The following ATAD3B variants were observed in gnomAD, a reference collection of about 807,000 sequenced individuals.
ATAD3B encodes the protein ATPase family AAA domain-containing protein 3B.
A neutral mutation model predicts 70.2 loss-of-function variants in ATAD3B; 59 were observed. The ratio of observed to expected loss-of-function variants is 0.84; its 90% CI spans 0.68 to 1.04. The LOEUF (loss-of-function observed/expected upper bound fraction) is 1.04. Among genes scored for constraint, ATAD3B ranks in the 50% least tolerant of loss-of-function variants. The pLI, the probability that ATAD3B is intolerant of heterozygous loss-of-function variation, is 0.00. For missense variants in ATAD3B, 961 were observed against 913.4 expected, an observed-to-expected ratio of 1.05 and a Z score of -0.67; for synonymous variants, 423 against 388.6, an observed-to-expected ratio of 1.09 and a Z score of -1.04.
chr1:1,477,644 A>C (rs1167741358), intron 2 of ATAD3B, among the ~76,000 whole-genome samples: 2 of 151,502 alleles, frequency 1.3e-5, no homozygotes, highest in Non-Finnish European at 2.9e-5. Flanking sequence ...TCTTCTTCAC[A>C]TTCTCACCTC....
intron 11 of ATAD3B, 118 bp from the exon 12 acceptor site, chr1:1,487,745 G>A: frequency 7.7e-7 from 1 of 1,297,868 alleles, no homozygotes; most frequent in East Asian, 2.3e-5. Flanking sequence ...CTCCTGATGG[G>A]GCAGAGCCTG....
chr1:1,504,580 G>T, the ATAD3B span, among the ~76,000 whole-genome samples: 1 of 151,990 alleles, frequency 6.6e-6, no homozygotes, highest in Non-Finnish European at 1.5e-5. Context: ...AACCTGGGAG[G>T]CGGAGGTTGC....
At position 1,482,205 on chromosome 1, in the gene ATAD3B, G is replaced by C; in HGVS notation, c.582G>C (p.Arg194=). The C allele has an allele frequency of 6.2e-7, 1 of 1,611,194 alleles. No individual in the cohort carries two copies. The highest frequency in any genetic ancestry group is 8.5e-7 in the Non-Finnish European group (1 of 1,179,280). The change falls in exon 6 of 16, where the codon CGG becomes CGC. Residue 194 remains arginine, a synonymous_variant. Coordinates refer to ENST00000673477, the MANE Select transcript of ATAD3B (RefSeq NM_031921.6). ...NEMLRVETEA[R]ARAKAERENA... ...TGCTGCGAGTGGAGACCGAGGCCCG[G>C]GCGCGCGCCAAGGCCGAGCGGGAGA...
Position 1,496,025 on chromosome 1 carries a change from G to A in ATAD3B, c.*208G>A, listed in dbSNP as rs1479159091. 1 of 1,336,366 alleles carries A rather than the reference G, an allele frequency of 7.5e-7. No individual in the cohort carries two copies. Among genetic ancestry groups the A allele is most frequent in the Non-Finnish European group, 9.6e-7 (1 of 1,044,806 alleles). The allele number at this position is 1,336,366 out of a possible 1,614,324, so 82.8% of individuals were successfully genotyped here. Reference sequence around the variant, plus strand: ...TTCTCGGCTCCCACAGCAGAGCCAGGTGAGGGGGGGCCTGCCAGGACTAGA... The same window carrying A: ...TTCTCGGCTCCCACAGCAGAGCCAGATGAGGGGGGGCCTGCCAGGACTAGA... On this transcript the variant is annotated 3_prime_UTR_variant, in exon 16 of 16. Coordinates refer to ENST00000673477, the MANE Select transcript of ATAD3B (RefSeq NM_031921.6).
intron 15 of ATAD3B, among the ~76,000 whole-genome samples, chr1:1,491,721 C>T (rs1406433741): frequency 6.6e-6 from 1 of 151,946 alleles, no homozygotes; most frequent in Non-Finnish European, 1.5e-5. Context: ...AGCCAAGTAC[C>T]TTGATTTGAA....
the ATAD3B span, among the ~76,000 whole-genome samples, chr1:1,502,981 T>C: frequency 6.6e-6 from 1 of 150,660 alleles, no homozygotes; most frequent in Non-Finnish European, 1.5e-5. Flanking sequence ...TCCCAGCACT[T>C]TGGGAGGCCG....
intron 9 of ATAD3B, 88 bp from the exon 10 acceptor site, chr1:1,486,022 G>T: frequency 6.2e-7 from 1 of 1,602,808 alleles, no homozygotes; most frequent in Non-Finnish European, 8.5e-7. Flanking sequence ...GAGGAGCAGA[G>T]TCCGCACCCG....
intron 10 of ATAD3B, 106 bp downstream of exon 10, chr1:1,486,341 T>A: frequency 6.3e-7 from 1 of 1,597,964 alleles, no homozygotes. Context: ...CCCTTAGGCC[T>A]TTGCCTACCC....
Position 1,487,931 on chromosome 1 carries a change from CTCTG to C in ATAD3B, c.1266+22_1266+25del, listed in dbSNP as rs554856459. The C allele has an allele frequency of 2.2e-5, 36 of 1,612,694 alleles. No homozygotes were observed. Among genetic ancestry groups the C allele is most frequent in the South Asian group, 1.2e-4 (11 of 91,020 alleles). On this transcript the variant is annotated intron_variant, in intron 12 of 15. Coordinates refer to ENST00000673477, the MANE Select transcript of ATAD3B (RefSeq NM_031921.6). ...CGAGCCACTGTGAGTGTCACTAAGC[CTCTG>C]TCTGGCCACAGGAGGGTGGTCGGGT...
intron 6 of ATAD3B, 98 bp from the exon 7 acceptor site, chr1:1,482,447 G>A (rs980578143): frequency 2.5e-6 from 4 of 1,604,268 alleles, no homozygotes; most frequent in Non-Finnish European, 3.4e-6. Context: ...GTCCTGGCAA[G>A]GCCGTGCCGC....
rs377694507 is a variant in ATAD3B at position 1,484,698 on chromosome 1, T to G, written c.751-318T>G. The G allele has an allele frequency of 7.5e-5, 32 of 424,394 alleles. No homozygotes were observed. The East Asian group carries it at 1.2e-3, about 16-fold the overall frequency. The allele number at this position is 424,394 out of a possible 1,614,324, so 26.3% of individuals were successfully genotyped here. ...AAGTACCATTTTTAGTGGCCAAGGA[T>G]GTACCAGAGGGTGTGGCCCTGTGAC... On this transcript the variant is annotated intron_variant, in intron 7 of 15. Coordinates refer to ENST00000673477, the MANE Select transcript of ATAD3B (RefSeq NM_031921.6).
intron 1 of ATAD3B, among the ~76,000 whole-genome samples, chr1:1,472,941 GC>G (rs1639405431): frequency 6.6e-6 from 1 of 150,700 alleles, no homozygotes; most frequent in South Asian, 2.1e-4. Context: ...TCCTGCCGCA[GC>G]CTCTCGAGTA....
chr1:1,486,554 T>C lies in ATAD3B; in HGVS notation c.1100T>C (p.Leu367Pro). ...ACTCTTCTTGTCCAGAAACTCGCCC[T>C]GCACTCAGGCATGGACTACGCCATC... ...GKTLFAKKLA[L>P]HSGMDYAIMT... Residue 367 changes from leucine (L) to proline (P), a missense_variant, in exon 11 of 16, where the codon CTG (leucine) becomes CCG (proline). Coordinates refer to ENST00000673477, the MANE Select transcript of ATAD3B (RefSeq NM_031921.6). 5 of 1,611,986 alleles carry C rather than the reference T, an allele frequency of 3.1e-6. 1 individual carries two copies. The highest frequency in any genetic ancestry group is 3.4e-6 in the Non-Finnish European group (4 of 1,179,454).
downstream of ATAD3B, among the ~76,000 whole-genome samples, chr1:1,501,498 G>A (rs189193770): frequency 1.3e-5 from 2 of 151,928 alleles, no homozygotes; most frequent in East Asian, 1.9e-4. Flanking sequence ...TTCGTGATCC[G>A]CCCGCCTCGG....
At chr1:1,479,936 A>C (rs1639816843) in intron 4 of ATAD3B, among the ~76,000 whole-genome samples, 1 of 141,990 alleles carries the variant, frequency 7.0e-6, no homozygotes, top group Non-Finnish European at 1.5e-5. Flanking sequence ...ACATGCACAA[A>C]CACCCACCTG....
intron 15 of ATAD3B, among the ~76,000 whole-genome samples, chr1:1,492,504 T>G (rs139232672): frequency 0.015 from 2,196 of 149,920 alleles, 41 homozygotes; most frequent in South Asian, 0.031. Context: ...ATAAGAAGAA[T>G]AATAATTTGG....
intron 1 of ATAD3B, among the ~76,000 whole-genome samples, chr1:1,476,238 C>A (rs980542930): frequency 2.0e-5 from 3 of 147,996 alleles, no homozygotes; most frequent in Non-Finnish European, 4.4e-5. Context: ...TAACCACAGG[C>A]CCAAGCAGAC....
intron 4 of ATAD3B, 70 bp downstream of exon 4, chr1:1,479,178 T>C (rs1639760972): frequency 2.3e-6 from 3 of 1,319,942 alleles, no homozygotes; most frequent in Non-Finnish European, 3.1e-6. Context: ...GACCAGTCAG[T>C]GGGTCAGAGG....
intron 7 of ATAD3B, chr1:1,484,309 T>C (rs1214328452): frequency 4.0e-5 from 6 of 151,704 alleles, no homozygotes; most frequent in African/African-American, 1.2e-4. Context: ...GCCTCCGGAG[T>C]AGCTGGGACT....
Sources: allele counts gnomAD v4.1 joint callset (sites outside exome capture counted in the v4.1 genomes callset), GRCh38; gene constraint gnomAD v4.1.1; transcripts MANE v1.5; gene names NCBI Gene and HGNC (gene_info 2026-07-23, HGNC 2026-07-21).